Variants in BBS2 observed in about 807,000 individuals in gnomAD.
BBS2 encodes BBSome complex member BBS2.
In BBS2, 62 loss-of-function variants were observed where a neutral mutation model predicts 83.0. That is an observed-to-expected ratio of 0.75 (90% CI 0.61 to 0.92). BBS2 has a LOEUF of 0.92. BBS2 is among the 40% of genes least tolerant of loss of function. The pLI is 0.00. For synonymous variants in BBS2, 303 were observed against 326.1 expected (o/e 0.93, Z 0.76); for missense variants, 784 against 901.0 (o/e 0.87, Z 1.66).
chr16:56,473,848 CCAGGCT>C (rs1420618862), intron 17 of BBS2, among the ~76,000 whole-genome samples: 1 of 151,928 alleles, frequency 6.6e-6, no homozygotes, highest in African/African-American at 2.4e-5. Context: ...GCTCTGTCAC[CCAGGCT>C]GGAGTACAGT....
intron 2 of BBS2, among the ~76,000 whole-genome samples, chr16:56,512,015 C>A (rs112849450): frequency 6.6e-5 from 10 of 152,126 alleles, no homozygotes; most frequent in African/African-American, 2.4e-4. Flanking sequence ...AAGAGACAAA[C>A]TACCAATAAA....
intron 7 of BBS2, among the ~76,000 whole-genome samples, chr16:56,504,920 T>C (rs1964382204): frequency 6.6e-6 from 1 of 152,196 alleles, no homozygotes; most frequent in Non-Finnish European, 1.5e-5. Flanking sequence ...AGAGCCCCCA[T>C]GAACAGGATT....
chr16:56,479,674 G>A (rs1211534437), downstream of BBS2, among the ~76,000 whole-genome samples: 1 of 152,196 alleles, frequency 6.6e-6, no homozygotes, highest in Non-Finnish European at 1.5e-5. Flanking sequence ...GTTAGGATGA[G>A]CCACAAATTC....
At chr16:56,504,876 T>G (rs551731661) in intron 7 of BBS2, among the ~76,000 whole-genome samples, 5 of 152,206 alleles carry the variant, frequency 3.3e-5, no homozygotes, top group Admixed American at 6.5e-5. Context: ...TATTGGCAAG[T>G]AGAGCTTGTG....
In BBS2 at chr16:56,511,239, TG is replaced by T. The variant is rs1204693277; in HGVS notation, c.390del (p.Asp130GlufsTer71). 1 of 1,614,006 alleles carries T rather than the reference TG, an allele frequency of 6.2e-7. No individual in the cohort carries two copies. The highest frequency in any genetic ancestry group is 8.5e-7 in the Non-Finnish European group (1 of 1,179,978). ...CCAATAATCGCAAGAGGGGAAGAAA[TG>T]TCTCCCAATGTCCCCAGCACAATTG... Reference protein sequence around the residue: ...ANAIVLGTLGDISSPLAIIGG... With the variant: ...ANAIVLGTLGXISSPLAIIGG... On this transcript the variant is annotated frameshift_variant, in exon 3 of 17. Coordinates refer to ENST00000245157, the MANE Select transcript of BBS2 (RefSeq NM_031885.5). LOFTEE classifies it high-confidence loss of function.
chr16:56,497,701 G>A, intron 14 of BBS2, 42 bp downstream of exon 14: 1 of 1,607,516 alleles, frequency 6.2e-7, no homozygotes, highest in South Asian at 1.1e-5. Context: ...AATATTATTA[G>A]ACTACCACAT....
chr16:56,503,004 G>A (rs1289612035), intron 7 of BBS2, among the ~76,000 whole-genome samples, 196 bp from the exon 8 acceptor site: 1 of 152,174 alleles, frequency 6.6e-6, no homozygotes, highest in Non-Finnish European at 1.5e-5. Flanking sequence ...AACCAGCTGT[G>A]CTTCCTTCTT....
chr16:56,487,292 ACC>A (rs1476066736), intron 15 of BBS2, among the ~76,000 whole-genome samples: 1 of 152,128 alleles, frequency 6.6e-6, no homozygotes, highest in Non-Finnish European at 1.5e-5. Flanking sequence ...GAAACTAGGG[ACC>A]CTACAGATAG....
chr16:56,475,462 T>C, intron 17 of BBS2: 1 of 1,582,596 alleles, frequency 6.3e-7, no homozygotes. Flanking sequence ...GGTGCGACTC[T>C]TTCAATAGGA....
chr16:56,482,123 G>A (rs1277643562), downstream of BBS2, among the ~76,000 whole-genome samples: 3 of 152,190 alleles, frequency 2.0e-5, no homozygotes, highest in Non-Finnish European at 2.9e-5. Flanking sequence ...GACCTTTGAT[G>A]AGATTATGTT....
chr16:56,519,025 G>A (rs967395631), intron 1 of BBS2, among the ~76,000 whole-genome samples: 8 of 152,032 alleles, frequency 5.3e-5, no homozygotes, highest in African/African-American at 1.7e-4. Flanking sequence ...TTCTTTTGTC[G>A]TTGTTCGGTA....
At chr16:56,493,383 CAA>C (rs1177705335) in intron 15 of BBS2, among the ~76,000 whole-genome samples, 5 of 24,016 alleles carry the variant, frequency 2.1e-4, no homozygotes, top group Middle Eastern at 0.021. Context: ...GACCTTGTCT[CAA>C]AAAAAAAAAA....
rs1341516187 is a variant in BBS2, at chr16:56,472,544, C to G, written c.*1-1849G>C. 2.0e-5 allele frequency among the ~76,000 whole-genome samples: 3 copies of G among 152,038 alleles called. No homozygotes were observed. The East Asian group carries it at 5.8e-4, about 29-fold the overall frequency. Reference sequence around the variant, plus strand: ...ATAGCAGTGCTAAACATTGGCATAGCTAGGGCACATCTAGTGAGATAACAT... The same window carrying G: ...ATAGCAGTGCTAAACATTGGCATAGGTAGGGCACATCTAGTGAGATAACAT... On this transcript the variant is annotated intron_variant, in intron 17 of 17. Transcript: ENST00000682047.
chr16:56,515,563 T>C (rs573845729), intron 1 of BBS2, among the ~76,000 whole-genome samples: 6 of 152,334 alleles, frequency 3.9e-5, no homozygotes, highest in African/African-American at 1.4e-4. Context: ...AACACTGGAC[T>C]AGGGATCCCT....
intron 12 of BBS2, chr16:56,499,366 C>T (rs1469328121): frequency 1.5e-5 from 4 of 271,500 alleles, no homozygotes; most frequent in African/African-American, 2.3e-5. Context: ...GAGGCTCACA[C>T]TGGTGAGGGG....
chr16:56,489,314 C>G (rs1963873178), intron 15 of BBS2, among the ~76,000 whole-genome samples: 1 of 151,990 alleles, frequency 6.6e-6, no homozygotes, highest in Non-Finnish European at 1.5e-5. Flanking sequence ...GTGCTCCAGC[C>G]TGGGCAACAG....
chr16:56,514,604 T>A lies in BBS2; in HGVS notation c.194A>T (p.Asp65Val), dbSNP rs746643609. ...SRVFQSPLES[D>V]VSLLSINQAV... is the part of the protein sequence containing the mutation. ...CTGGTTAATGCTGAGAAGAGAAACA[T>A]CAGATTCCAGGGGGCTCTGGAAGAC... Residue 65 changes from aspartate to valine, a missense_variant, in exon 2 of 17, where the codon GAT (aspartate) becomes GTT (valine). By Grantham distance (152) the Asp-to-Val change is radical. Coordinates refer to ENST00000245157, the MANE Select transcript of BBS2 (RefSeq NM_031885.5). The A allele has an allele frequency of 4.3e-6, 7 of 1,614,042 alleles. No homozygotes were observed. Among genetic ancestry groups the A allele is most frequent in the Non-Finnish European group, 5.1e-6 (6 of 1,180,016 alleles).
intron 17 of BBS2, among the ~76,000 whole-genome samples, chr16:56,471,003 C>T (rs924056873): frequency 1.9e-4 from 29 of 151,974 alleles, no homozygotes; most frequent in African/African-American, 6.5e-4. Context: ...AACAAGAAAA[C>T]GTCAAGTAAT....
chr16:56,498,308 C>A, intron 13 of BBS2, 129 bp downstream of exon 13: 1 of 1,211,188 alleles, frequency 8.3e-7, no homozygotes, highest in South Asian at 1.3e-5. Flanking sequence ...ACATTGATGT[C>A]CCCCACCTCA....
Sources: allele counts gnomAD v4.1 joint callset (sites outside exome capture counted in the v4.1 genomes callset), GRCh38; gene constraint gnomAD v4.1.1; transcripts MANE v1.5; gene names NCBI Gene and HGNC (gene_info 2026-07-23, HGNC 2026-07-21).